The following MARCHF3 variants were observed in gnomAD, a reference collection of about 807,000 sequenced individuals.
MARCHF3 encodes the protein E3 ubiquitin-protein ligase MARCHF3.
Under a neutral mutation model 24.2 loss-of-function variants are expected in MARCHF3, and 13 were observed. The ratio of observed to expected loss-of-function variants is 0.54; its 90% confidence interval spans 0.35 to 0.85. MARCHF3 has a LOEUF of 0.85. Among genes scored for constraint, MARCHF3 ranks in the 40% least tolerant of loss-of-function variants. The pLI is 0.01. For missense variants in MARCHF3, 276 were observed against 325.0 expected, an observed-to-expected ratio of 0.85 and a Z score of 1.16; for synonymous variants, 144 against 137.3, an observed-to-expected ratio of 1.05 and a Z score of -0.34.
At chr5:126,935,479 T>C (rs1042103339) in intron 1 of MARCHF3, among the ~76,000 whole-genome samples, 1 of 152,050 alleles carries the variant, frequency 6.6e-6, no homozygotes, top group African/African-American at 2.4e-5. Flanking sequence ...GTGGCTCTCT[T>C]GGGTCTCTAG....
chr5:126,978,383 A>G (rs886857), intron 1 of MARCHF3, among the ~76,000 whole-genome samples: 151,342 of 152,252 alleles, frequency 0.99, 75,222 homozygotes, highest in East Asian at 1. Context: ...ATGTTGAAGA[A>G]TAGGGAAAGA....
intron 1 of MARCHF3, among the ~76,000 whole-genome samples, chr5:126,954,199 A>ATTT (rs750262766): frequency 8.8e-5 from 10 of 114,086 alleles, no homozygotes; most frequent in African/African-American, 2.5e-4. Context: ...CGCCCGGCTA[A>ATTT]TTTTTTTTTT....
intron 1 of MARCHF3, among the ~76,000 whole-genome samples, chr5:126,928,971 T>C (rs564426944): frequency 1.1e-3 from 168 of 152,310 alleles, no homozygotes; most frequent in Non-Finnish European, 1.9e-3. Context: ...TCCCTTGATA[T>C]CATCTACTAC....
chr5:126,912,364 T>C (rs182239019), intron 3 of MARCHF3, among the ~76,000 whole-genome samples: 1 of 152,330 alleles, frequency 6.6e-6, no homozygotes, highest in Admixed American at 6.5e-5. Flanking sequence ...ATAAAATTTA[T>C]AAATGACTTT....
intron 1 of MARCHF3, among the ~76,000 whole-genome samples, chr5:126,969,158 A>T (rs1412217424): frequency 6.6e-6 from 1 of 152,200 alleles, no homozygotes; most frequent in Non-Finnish European, 1.5e-5. Context: ...CTGAATTTTT[A>T]AAAAACTTAT....
chr5:126,886,745 G>A (rs150458361), intron 3 of MARCHF3, among the ~76,000 whole-genome samples: 13 of 152,190 alleles, frequency 8.5e-5, no homozygotes, highest in African/African-American at 2.6e-4. Flanking sequence ...TGCAGAACAC[G>A]AGATTCACCA....
chr5:126,988,021 G>A (rs1013405895), intron 1 of MARCHF3, among the ~76,000 whole-genome samples: 2 of 152,064 alleles, frequency 1.3e-5, no homozygotes, highest in African/African-American at 4.8e-5. Context: ...TTGTCTCTAC[G>A]TCTAAAATTA....
At chr5:126,890,257 A>G (rs969241187) in intron 3 of MARCHF3, among the ~76,000 whole-genome samples, 9 of 149,884 alleles carry the variant, frequency 6.0e-5, no homozygotes, top group African/African-American at 2.2e-4. Context: ...GAAAAGACAT[A>G]CTTTTTTTTT....
At chr5:126,939,857 T>C (rs1226318340) in intron 1 of MARCHF3, among the ~76,000 whole-genome samples, 2 of 152,168 alleles carry the variant, frequency 1.3e-5, no homozygotes, top group African/African-American at 4.8e-5. Flanking sequence ...TTAATATATA[T>C]TGTTGATTCA....
chr5:126,918,768 T>C (rs980769150), intron 1 of MARCHF3, among the ~76,000 whole-genome samples: 3 of 152,216 alleles, frequency 2.0e-5, no homozygotes, highest in Non-Finnish European at 2.9e-5. Context: ...TTGCCAAACA[T>C]GAATCACTCA....
At chr5:127,017,102 T>A (rs376820917) in intron 1 of MARCHF3, among the ~76,000 whole-genome samples, 21 of 151,906 alleles carry the variant, frequency 1.4e-4, no homozygotes, top group African/African-American at 5.1e-4. Context: ...CATCACGCAC[T>A]GGGGCCTGTC....
intron 3 of MARCHF3, among the ~76,000 whole-genome samples, chr5:126,910,303 A>C (rs1376195224): frequency 1.3e-5 from 2 of 152,210 alleles, no homozygotes; most frequent in African/African-American, 4.8e-5. Context: ...ATCACTAGAA[A>C]CTGATGTTAC....
rs553595544 is a variant in MARCHF3 at position 126,877,831 on chromosome 5, C to T, written c.603+354G>A. On this transcript the variant is annotated intron_variant, in intron 4 of 4. Transcript: ENST00000308660. ...CATCATTCATAATATACTACAATCC[C>T]GGCAAAAATGAGAAACATAAACAAG... is the stretch of plus-strand genomic sequence containing the variant. Among the ~76,000 whole-genome samples the T allele has an allele frequency of 7.3e-4, 111 of 152,220 alleles. 1 individual carries two copies. The highest frequency in any genetic ancestry group is 1.2e-3 in the South Asian group (6 of 4,822).
chr5:126,903,488 C>G (rs937670716), intron 3 of MARCHF3, among the ~76,000 whole-genome samples: 5 of 152,040 alleles, frequency 3.3e-5, no homozygotes, highest in African/African-American at 1.2e-4. Context: ...GCCTATAAAT[C>G]TTCTTGAATC....
intron 1 of MARCHF3, among the ~76,000 whole-genome samples, chr5:126,947,993 T>A (rs1376139113): frequency 6.6e-6 from 1 of 152,138 alleles, no homozygotes; most frequent in African/African-American, 2.4e-5. Context: ...CTGTGCCTTT[T>A]CCTACCATGC....
At chr5:126,997,251 C>T (rs188744175) in intron 1 of MARCHF3, among the ~76,000 whole-genome samples, 56 of 152,048 alleles carry the variant, frequency 3.7e-4, no homozygotes, top group Admixed American at 9.8e-4. Context: ...ATAGAGTACA[C>T]GGACAAGTTA....
intron 1 of MARCHF3, among the ~76,000 whole-genome samples, chr5:126,953,248 G>GA (rs1259239873): frequency 6.6e-6 from 1 of 152,042 alleles, no homozygotes; most frequent in African/African-American, 2.4e-5. Flanking sequence ...AATCATGGCA[G>GA]AAAATCCATG....
At chr5:126,898,828 G>C (rs1287013023) in intron 3 of MARCHF3, 1 of 974,502 alleles carries the variant, frequency 1.0e-6, no homozygotes, top group African/African-American at 1.8e-5. Flanking sequence ...ATTTATAATA[G>C]CATCGCTAGA....
At chr5:126,874,604 A>G (rs942142161) in intron 4 of MARCHF3, among the ~76,000 whole-genome samples, 2 of 149,304 alleles carry the variant, frequency 1.3e-5, no homozygotes, top group African/African-American at 5.1e-5. Flanking sequence ...AAAAAAAAAA[A>G]GTCACAGAAG....
Sources: gnomAD v4.1 joint callset for allele counts (sites outside exome capture counted in the v4.1 genomes callset) on GRCh38, gnomAD v4.1.1 for gene constraint, MANE v1.5 for transcripts, NCBI Gene and HGNC (gene_info 2026-07-23, HGNC 2026-07-21) for gene names.